PARD3B: variants seen among roughly 807,000 people sequenced by gnomAD.
PARD3B encodes par-3 family cell polarity regulator beta.
PARD3B carries 103 observed loss-of-function variants against 130.2 expected under a neutral mutation model. The ratio of observed to expected loss-of-function variants is 0.79; its 90% CI spans 0.67 to 0.93. The LOEUF is 0.93. PARD3B is among the 40% of genes least tolerant of loss of function. The pLI is 0.00. For missense variants in PARD3B, 1,609 were observed against 1,499.2 expected (o/e 1.07, Z -1.21); for synonymous variants, 583 against 553.2 (o/e 1.05, Z -0.76).
chr2:204,779,085 T>C (rs947869058), intron 2 of PARD3B, among the ~76,000 whole-genome samples: 1 of 152,158 alleles, frequency 6.6e-6, no homozygotes, highest in South Asian at 2.1e-4. Context: ...GCACTTCTAT[T>C]ACCTGCTGGA....
At chr2:205,396,339 G>A (rs73065009) in intron 18 of PARD3B, among the ~76,000 whole-genome samples, 5,514 of 152,190 alleles carry the variant, frequency 0.036, 304 homozygotes, top group African/African-American at 0.12. Context: ...GTGTGGTTTT[G>A]TATGCCAACA....
At chr2:204,700,174 G>A (rs1252122943) in intron 2 of PARD3B, among the ~76,000 whole-genome samples, 1 of 152,008 alleles carries the variant, frequency 6.6e-6, no homozygotes, top group Admixed American at 6.6e-5. Flanking sequence ...TACTTCAAAG[G>A]CTGTTCCCTG....
chr2:205,310,427 T>C lies in PARD3B; in HGVS notation c.2630+8726T>C, dbSNP rs116451441. ...TAACTGTAGTCACCATGGTGAATAA[T>C]AGATTGCTTAAATTTATTCCTCCTG... On this transcript the variant is annotated intron_variant, in intron 18 of 22. Coordinates refer to ENST00000406610, the MANE Select transcript of PARD3B (RefSeq NM_001302769.2). 8.3e-3 allele frequency among the ~76,000 whole-genome samples: 1,267 copies of C among 152,188 alleles called. 12 individuals carry two copies. Among genetic ancestry groups the C allele is most frequent in the African/African-American group, 0.029 (1,218 of 41,520 alleles).
At chr2:205,107,111 G>T (rs2125583049) in intron 5 of PARD3B, among the ~76,000 whole-genome samples, 1 of 152,310 alleles carries the variant, frequency 6.6e-6, no homozygotes, top group South Asian at 2.1e-4. Flanking sequence ...AAAATGTCTT[G>T]TAACTGTTTA....
intron 1 of PARD3B, among the ~76,000 whole-genome samples, chr2:204,643,366 C>A (rs1219298511): frequency 6.6e-6 from 1 of 152,016 alleles, no homozygotes; most frequent in African/African-American, 2.4e-5. Flanking sequence ...GGAGTCTGTC[C>A]TGGACTTCAT....
intron 18 of PARD3B, among the ~76,000 whole-genome samples, chr2:205,312,549 C>T (rs1420432981): frequency 1.3e-5 from 2 of 152,170 alleles, no homozygotes; most frequent in African/African-American, 2.4e-5. Flanking sequence ...TGCAGCCATC[C>T]ATTGTTCTCC....
At chr2:205,107,845 G>T (rs1356257222) in intron 5 of PARD3B, among the ~76,000 whole-genome samples, 1 of 152,146 alleles carries the variant, frequency 6.6e-6, no homozygotes, top group Non-Finnish European at 1.5e-5. Flanking sequence ...TGAAGCAAGA[G>T]GTTTGGTGGT....
At chr2:204,706,555 A>C (rs1255463259) in intron 2 of PARD3B, among the ~76,000 whole-genome samples, 1 of 152,120 alleles carries the variant, frequency 6.6e-6, no homozygotes, top group Non-Finnish European at 1.5e-5. Flanking sequence ...AATATGAAAT[A>C]GCGTTTTTCT....
intron 3 of PARD3B, among the ~76,000 whole-genome samples, chr2:205,020,302 A>G (rs758028797): frequency 4.6e-5 from 7 of 152,190 alleles, no homozygotes; most frequent in South Asian, 2.1e-4. Context: ...CTTGGTACTT[A>G]GTGATACAAT....
At chr2:205,294,990 T>G (rs1484927774) in intron 16 of PARD3B, among the ~76,000 whole-genome samples, 1 of 152,088 alleles carries the variant, frequency 6.6e-6, no homozygotes, top group African/African-American at 2.4e-5. Context: ...AATTATACAT[T>G]TGGATATTAT....
At chr2:205,237,786 ATTTTT>A (rs2039135566) in intron 15 of PARD3B, among the ~76,000 whole-genome samples, 1 of 152,066 alleles carries the variant, frequency 6.6e-6, no homozygotes, top group Non-Finnish European at 1.5e-5. Context: ...CTAATCATAT[ATTTTT>A]CTACATTTCT....
At chr2:205,153,298 A>C (rs541165675) in intron 10 of PARD3B, among the ~76,000 whole-genome samples, 1 of 152,288 alleles carries the variant, frequency 6.6e-6, no homozygotes, top group Admixed American at 6.5e-5. Flanking sequence ...TGAGAGAACC[A>C]CTGCTCTCTT....
intron 19 of PARD3B, among the ~76,000 whole-genome samples, chr2:205,413,459 A>C (rs1341203424): frequency 6.6e-6 from 1 of 152,192 alleles, no homozygotes; most frequent in East Asian, 1.9e-4. Flanking sequence ...TTGCTGAATA[A>C]TGGATGAATG....
intron 2 of PARD3B, among the ~76,000 whole-genome samples, chr2:204,720,400 A>G (rs2038938166): frequency 1.3e-5 from 2 of 152,188 alleles, no homozygotes; most frequent in African/African-American, 4.8e-5. Context: ...TTTAAAATGT[A>G]AATGTGATAA....
In PARD3B at chr2:205,301,730, G is replaced by C; in HGVS notation, c.2630+29G>C. The C allele has an allele frequency of 6.2e-7, 1 of 1,613,880 alleles. No individual in the cohort carries two copies. Among genetic ancestry groups the C allele is most frequent in the Non-Finnish European group, 8.5e-7 (1 of 1,179,848 alleles). ...TGGGCCTGCTTTGAAGGCAAAGTTGGTTCTCATTTTGTCTCTCCTGGTAAA... is the reference window on the plus strand; with the variant it reads ...TGGGCCTGCTTTGAAGGCAAAGTTGCTTCTCATTTTGTCTCTCCTGGTAAA... On this transcript the variant is annotated intron_variant, in intron 18 of 22. Coordinates refer to ENST00000406610, the MANE Select transcript of PARD3B (RefSeq NM_001302769.2). This position sits in a 1 kb window ranked among gnomAD's most constrained non-coding sequence, Gnocchi z 5.2.
intron 10 of PARD3B, among the ~76,000 whole-genome samples, chr2:205,140,333 A>G: frequency 6.6e-6 from 1 of 152,142 alleles, no homozygotes; most frequent in East Asian, 1.9e-4. Flanking sequence ...TAAAAAGCAC[A>G]GTGGTCAATG....
chr2:205,133,277 G>T (rs2032178350), intron 10 of PARD3B, among the ~76,000 whole-genome samples: 1 of 152,128 alleles, frequency 6.6e-6, no homozygotes, highest in Admixed American at 6.5e-5. Flanking sequence ...AATGTTAGCG[G>T]TATTTTTACA....
At chr2:205,101,049 C>T (rs1440695578) in intron 4 of PARD3B, among the ~76,000 whole-genome samples, 1 of 152,034 alleles carries the variant, frequency 6.6e-6, no homozygotes, top group East Asian at 1.9e-4. Context: ...AAAGTGAAGA[C>T]AACCCAAAGA....
intron 3 of PARD3B, among the ~76,000 whole-genome samples, chr2:204,989,417 G>A (rs548555250): frequency 6.6e-6 from 1 of 152,198 alleles, no homozygotes; most frequent in South Asian, 2.1e-4. Context: ...CTAGAGGCCA[G>A]CGAAAGGATT....
Sources: allele counts gnomAD v4.1 joint callset (sites outside exome capture counted in the v4.1 genomes callset), GRCh38; gene constraint gnomAD v4.1.1; non-coding constraint Gnocchi (gnomAD v3.1); transcripts MANE v1.5; gene names NCBI Gene and HGNC (gene_info 2026-07-23, HGNC 2026-07-21).